The following ZNF540 variants were observed in gnomAD, a reference collection of about 807,000 sequenced individuals.
ZNF540 encodes the protein zinc finger protein 540, also known as CTD-3064H18.6.
ZNF540 carries 3 observed loss-of-function variants against 11.8 expected under a neutral mutation model. The observed-to-expected ratio is 0.25, with a 90% CI of 0.12 to 0.65. ZNF540 has a LOEUF of 0.65. Among genes scored for constraint, ZNF540 ranks in the 30% least tolerant of loss-of-function variants. ZNF540 has a pLI of 0.83. For missense variants in ZNF540, 709 were observed against 793.1 expected (o/e 0.89, Z 1.27); for synonymous variants, 247 against 259.0 (o/e 0.95, Z 0.45).
At chr19:37,587,057 C>A in intron 1 of ZNF540, 1 of 205,420 alleles carries the variant, frequency 4.9e-6, no homozygotes, top group Non-Finnish European at 9.6e-6. Context: ...TGCTCCCAAT[C>A]TTAGGAAGGG....
chr19:37,602,326 T>G (rs2044045533), intron 4 of ZNF540, among the ~76,000 whole-genome samples: 1 of 152,164 alleles, frequency 6.6e-6, no homozygotes, highest in African/African-American at 2.4e-5. Context: ...GATCGAGATG[T>G]TGAACAGAGA....
chr19:37,583,288 A>G (rs1434337795), intron 1 of ZNF540, among the ~76,000 whole-genome samples: 4 of 152,364 alleles, frequency 2.6e-5, no homozygotes, highest in South Asian at 2.1e-4. Context: ...AAGTTTAACT[A>G]TAAAAGAGCA....
intron 1 of ZNF540, among the ~76,000 whole-genome samples, chr19:37,579,118 C>T (rs1437891002): frequency 6.6e-6 from 1 of 152,210 alleles, no homozygotes; most frequent in Non-Finnish European, 1.5e-5. Flanking sequence ...TTCCCTTGGG[C>T]TCCCACCACC....
At position 37,598,360 on chromosome 19, in the gene ZNF540, T is replaced by C; in HGVS notation, c.-72-16T>C. The C allele has an allele frequency of 2.2e-6, 3 of 1,393,966 alleles. No homozygotes were observed. Among genetic ancestry groups the C allele is most frequent in the South Asian group, 1.2e-5 (1 of 81,000 alleles). The allele number at this position is 1,393,966 out of a possible 1,614,324, so 86.3% of individuals were successfully genotyped here. ...GACCTAGTCTCACTGTCTCATTTTT[T>C]TCTCCTCTAACTCAGGCTTCTCAGA... On this transcript the variant is annotated splice_polypyrimidine_tract_variant and intron_variant, in intron 1 of 4. Transcript: ENST00000316433.
chr19:37,572,917 T>C (rs539933942), intron 1 of ZNF540, among the ~76,000 whole-genome samples: 24 of 60,488 alleles, frequency 4.0e-4, no homozygotes, highest in African/African-American at 1.6e-3. Context: ...CAAACTGACA[T>C]TGAATGACTT....
At chr19:37,602,074 G>A (rs913530555) in intron 4 of ZNF540, among the ~76,000 whole-genome samples, 3 of 152,218 alleles carry the variant, frequency 2.0e-5, no homozygotes, top group Non-Finnish European at 4.4e-5. Context: ...GATTAGCAGT[G>A]AAGGTAGCTT....
In ZNF540 at chr19:37,553,164, G is replaced by A. The variant is rs527308002; in HGVS notation, c.-73+1499G>A. 3.8e-4 allele frequency among the ~76,000 whole-genome samples: 32 copies of A among 85,034 alleles called. No homozygotes were observed. The South Asian group carries it at 6.9e-3, about 18-fold the overall frequency. 55.8% of individuals were successfully genotyped at this position (85,034 alleles called of 152,430 possible). A position where few individuals can be genotyped will look rare whatever the true frequency, so the allele number is the denominator to read the frequency against. On this transcript the variant is annotated intron_variant, in intron 1 of 4. Transcript: ENST00000592533. ...TTTTTTTTTTTTTGGAGACAGTCTC[G>A]CCTTTGTCACCTAGGCTGGAGTGGA...
At position 37,612,786 on chromosome 19, in the gene ZNF540, G is replaced by A; in HGVS notation, c.1506G>A (p.Lys502=). Residue 502 remains lysine, a synonymous_variant, in exon 5 of 5, where the codon AAG becomes AAA. Coordinates refer to ENST00000316433, the MANE Select transcript of ZNF540 (RefSeq NM_001172225.3). ...VKPYKCVRCG[K]TFRFGFYLTE... ...CCTACAAATGTGTACGATGTGGGAA[G>A]ACCTTTAGATTTGGTTTCTACCTTA... The A allele has an allele frequency of 6.2e-7, 1 of 1,614,026 alleles. No individual in the cohort carries two copies. The highest frequency in any genetic ancestry group is 1.1e-5 in the South Asian group (1 of 91,076).
rs542239381 is a variant in ZNF540 at position 37,561,655 on chromosome 19, C to T, written c.-73+9990C>T. Reference sequence around the variant, plus strand: ...GTATCATATGCAATGAGGTAGAACCCGCTCTACGTATTTTGGGAATTATTT... The same window carrying T: ...GTATCATATGCAATGAGGTAGAACCTGCTCTACGTATTTTGGGAATTATTT... On this transcript the variant is annotated intron_variant, in intron 1 of 4. Transcript: ENST00000592533. 2.0e-4 allele frequency among the ~76,000 whole-genome samples: 31 copies of T among 152,272 alleles called. No individual in the cohort carries two copies. The South Asian group carries it at 6.0e-3, about 30-fold the overall frequency.
At chr19:37,599,013 G>T (rs1375363005) in intron 2 of ZNF540, among the ~76,000 whole-genome samples, 5 of 152,120 alleles carry the variant, frequency 3.3e-5, no homozygotes, top group African/African-American at 1.2e-4. Context: ...AAAAAAGAAG[G>T]TGTGTAGTAC....
chr19:37,587,175 C>T (rs982711399), intron 1 of ZNF540: 2 of 153,530 alleles, frequency 1.3e-5, no homozygotes, highest in Admixed American at 1.3e-4. Flanking sequence ...ACAGTCTCAT[C>T]CCACTCCCCT....
At chr19:37,576,328 T>C (rs191156041) in intron 1 of ZNF540, among the ~76,000 whole-genome samples, 6 of 152,144 alleles carry the variant, frequency 3.9e-5, no homozygotes, top group African/African-American at 1.2e-4. Context: ...AACAAATAGG[T>C]TTGGTCCTGG....
chr19:37,593,044 G>C (rs541329864), upstream of ZNF540, among the ~76,000 whole-genome samples: 1 of 152,040 alleles, frequency 6.6e-6, no homozygotes, highest in East Asian at 1.9e-4. Context: ...TCTGAATATG[G>C]GGGTATACAA....
At chr19:37,589,153 T>A (rs1467766284) in intron 1 of ZNF540, among the ~76,000 whole-genome samples, 1 of 138,296 alleles carries the variant, frequency 7.2e-6, no homozygotes, top group East Asian at 2.2e-4. Context: ...TGAGCCGAGA[T>A]CATGCCACTG....
At chr19:37,563,869 C>T (rs2042760855) in intron 1 of ZNF540, 1 of 151,636 alleles carries the variant, frequency 6.6e-6, no homozygotes, top group African/African-American at 2.4e-5. Context: ...TATGGAACTA[C>T]CTTGGCCATC....
At chr19:37,588,130 CCCATGGGTT>C (rs2043746175) in intron 1 of ZNF540, among the ~76,000 whole-genome samples, 1 of 109,520 alleles carries the variant, frequency 9.1e-6, no homozygotes, top group Non-Finnish European at 1.9e-5. Flanking sequence ...AAAAAAAAAT[CCCATGGGTT>C]AAAATAATAT....
intron 1 of ZNF540, chr19:37,565,703 T>C (rs1316721823): frequency 1.9e-6 from 3 of 1,613,924 alleles, no homozygotes; most frequent in Admixed American, 1.7e-5. Context: ...ATGAACTCTC[T>C]GATGTTCAGT....
rs78158848 is a variant in ZNF540, at chr19:37,553,553, C to A, written c.-73+1888C>A. On this transcript the variant is annotated intron_variant, in intron 1 of 4. Coordinates refer to the ZNF540 transcript ENST00000592533. ...CTGTTTCTCTTATCTATCCTTAATT[C>A]TTTTTCTAATTTTCTGCCTATTTTT... Among the ~76,000 whole-genome samples the A allele has an allele frequency of 6.7e-3, 1,022 of 152,204 alleles. 30 individuals carry two copies. Among genetic ancestry groups the A allele is most frequent in the East Asian group, 0.05 (259 of 5,178 alleles).
At chr19:37,567,187 T>C (rs577588299) in intron 1 of ZNF540, among the ~76,000 whole-genome samples, 3 of 152,348 alleles carry the variant, frequency 2.0e-5, no homozygotes, top group African/African-American at 7.2e-5. Context: ...GGATATACCA[T>C]TTCTAAAGTT....
Sources: allele counts gnomAD v4.1 joint callset (sites outside exome capture counted in the v4.1 genomes callset), GRCh38; gene constraint gnomAD v4.1.1; transcripts MANE v1.5; gene names NCBI Gene and HGNC (gene_info 2026-07-23, HGNC 2026-07-21).